The following LOC122539214 variants were observed in gnomAD, a reference collection of about 807,000 sequenced individuals.
chr19:52,661,082 C>T, the LOC122539214 span, among the ~76,000 whole-genome samples: 1 of 152,116 alleles, frequency 6.6e-6, no homozygotes, highest in South Asian at 2.1e-4. Flanking sequence ...CCAGGAGAGT[C>T]TCAATCTCCT....
chr19:52,653,338 C>G, the LOC122539214 span: 1 of 1,255,272 alleles, frequency 8.0e-7, no homozygotes, highest in East Asian at 2.7e-5. Context: ...AGTATGAACT[C>G]TCTGATGTTG....
chr19:52,689,467 A>G, the LOC122539214 span, among the ~76,000 whole-genome samples: 1 of 151,812 alleles, frequency 6.6e-6, no homozygotes, highest in Admixed American at 6.6e-5. Context: ...CCTTGCCACC[A>G]GCACCACTCT....
At chr19:52,657,980 TACA>T in the LOC122539214 span, among the ~76,000 whole-genome samples, 15 of 151,548 alleles carry the variant, frequency 9.9e-5, no homozygotes, top group South Asian at 3.1e-3. Context: ...CTACTAAAAA[TACA>T]AAATTAGCCG....
the LOC122539214 span, among the ~76,000 whole-genome samples, chr19:52,687,446 AAAT>A: frequency 4.4e-4 from 27 of 60,722 alleles, 9 homozygotes; most frequent in African/African-American, 2.4e-3. Flanking sequence ...ATAGCTATAT[AAAT>A]TATAATATAA....
the LOC122539214 span, among the ~76,000 whole-genome samples, chr19:52,668,368 T>C: frequency 5.9e-5 from 9 of 152,204 alleles, no homozygotes; most frequent in African/African-American, 2.2e-4. Flanking sequence ...AAATTAAAGC[T>C]AAGGAAAGCT....
chr19:52,678,731 TG>T, the LOC122539214 span, among the ~76,000 whole-genome samples: 3 of 152,070 alleles, frequency 2.0e-5, no homozygotes, highest in African/African-American at 7.3e-5. Flanking sequence ...CCCAGTACTT[TG>T]GGAGACCAAG....
chr19:52,681,023 G>A, the LOC122539214 span, among the ~76,000 whole-genome samples: 1 of 151,856 alleles, frequency 6.6e-6, no homozygotes, highest in East Asian at 2.0e-4. Flanking sequence ...GGTGGCTCAT[G>A]CCTGTAATCA....
chr19:52,665,211 C>T, the LOC122539214 span, among the ~76,000 whole-genome samples: 2 of 152,030 alleles, frequency 1.3e-5, no homozygotes, highest in Admixed American at 6.6e-5. Context: ...GGGTGGGGAG[C>T]AGAGGGCTCA....
the LOC122539214 span, among the ~76,000 whole-genome samples, chr19:52,684,570 A>C: frequency 2.0e-5 from 3 of 150,712 alleles, no homozygotes; most frequent in East Asian, 5.9e-4. Context: ...AAAAAAGGAA[A>C]GAAAGAAAAA....
the LOC122539214 span, among the ~76,000 whole-genome samples, chr19:52,679,811 T>C: frequency 1.3e-5 from 2 of 152,086 alleles, no homozygotes; most frequent in African/African-American, 4.8e-5. Flanking sequence ...ACTCACTCCA[T>C]AGGGGAGTGC....
At chr19:52,680,859 G>A in the LOC122539214 span, among the ~76,000 whole-genome samples, 53 of 151,308 alleles carry the variant, frequency 3.5e-4, no homozygotes, top group Non-Finnish European at 5.5e-4. Context: ...TGATCCGCCC[G>A]CCTCGGCCTC....
At chr19:52,656,471 G>C in the LOC122539214 span, among the ~76,000 whole-genome samples, 1 of 152,088 alleles carries the variant, frequency 6.6e-6, no homozygotes, top group Non-Finnish European at 1.5e-5. Flanking sequence ...GTTGTGGTAA[G>C]CTGAGATGAC....
At chr19:52,654,559 A>G in the LOC122539214 span, among the ~76,000 whole-genome samples, 6 of 152,228 alleles carry the variant, frequency 3.9e-5, no homozygotes. Flanking sequence ...TCTATTAAAA[A>G]TACAAAAATT....
chr19:52,681,031 T>A, the LOC122539214 span, among the ~76,000 whole-genome samples: 1 of 151,660 alleles, frequency 6.6e-6, no homozygotes, highest in Non-Finnish European at 1.5e-5. Context: ...ATGCCTGTAA[T>A]CAAAACACTT....
At chr19:52,678,593 G>A in the LOC122539214 span, among the ~76,000 whole-genome samples, 6 of 151,978 alleles carry the variant, frequency 3.9e-5, no homozygotes, top group Admixed American at 3.9e-4. Flanking sequence ...TGGAATAAAT[G>A]AGACATGAAA....
At chr19:52,673,921 CAGG>C in the LOC122539214 span, among the ~76,000 whole-genome samples, 1 of 143,744 alleles carries the variant, frequency 7.0e-6, no homozygotes, top group Non-Finnish European at 1.5e-5. Flanking sequence ...GAGGCTGAGG[CAGG>C]AGAATTGGTT....
the LOC122539214 span, among the ~76,000 whole-genome samples, chr19:52,657,769 C>T: frequency 6.6e-6 from 1 of 151,468 alleles, no homozygotes; most frequent in Non-Finnish European, 1.5e-5. Context: ...ATCGCTTGAA[C>T]CTGGGAGGTG....
At chr19:52,652,897 G>T in the LOC122539214 span, 1 of 1,100,040 alleles carries the variant, frequency 9.1e-7, no homozygotes, top group Non-Finnish European at 1.4e-6. Flanking sequence ...GCACTTGTAA[G>T]GTTTCTCTCC....
At chr19:52,690,048 C>T in the LOC122539214 span, among the ~76,000 whole-genome samples, 1 of 152,190 alleles carries the variant, frequency 6.6e-6, no homozygotes, top group Non-Finnish European at 1.5e-5. Flanking sequence ...CACGGCCTCC[C>T]CGGGACAGGG....
Sources: allele counts gnomAD v4.1 joint callset (sites outside exome capture counted in the v4.1 genomes callset), GRCh38; gene constraint gnomAD v4.1.1; transcripts MANE v1.5.